MYEF2: variants seen among roughly 807,000 people sequenced by gnomAD.
MYEF2 encodes the protein myelin expression factor 2, also known as myelin gene expression factor 2.
MYEF2 carries 37 observed loss-of-function variants against 75.2 expected under a neutral mutation model. The ratio of observed to expected loss-of-function variants is 0.49; its 90% CI spans 0.38 to 0.65. The LOEUF (loss-of-function observed/expected upper bound fraction) is 0.65, where lower values mean the gene tolerates loss of function less well. Among genes scored for constraint, MYEF2 ranks in the 30% least tolerant of loss-of-function variants. The probability of loss-of-function intolerance (pLI) is 0.00; values close to 1 mark genes in which losing one functional copy is unlikely to be tolerated. For synonymous variants in MYEF2, 195 were observed against 241.6 expected (o/e 0.81, Z 1.79); for missense variants, 634 against 771.4 (o/e 0.82, Z 2.11).
intron 10 of MYEF2, 107 bp from the exon 11 acceptor site, chr15:48,152,391 AAAC>A: frequency 9.8e-6 from 9 of 920,006 alleles, no homozygotes; most frequent in Non-Finnish European, 1.5e-5. Flanking sequence ...AACCACAATG[AAAC>A]ACTAGAGAAG....
At position 48,149,313 on chromosome 15, in the gene MYEF2, C is replaced by T. The variant is rs2039405073; in HGVS notation, c.1437G>A (p.Arg479=). 6.2e-7 allele frequency: 1 copy of T among 1,613,000 alleles called. No homozygotes were observed. Residue 479 remains arginine, a synonymous_variant, in exon 15 of 17, where the codon CGG becomes CGA. Transcript: ENST00000324324. The surrounding 1 kb of genome is among the most constrained non-coding windows in gnomAD (Gnocchi z 4.0). ...CCATTCTATCAAAGCTGGAACTCATCCGGTCCAGTCCCATCCCCATTCCTC... is the reference window on the plus strand; with the variant it reads ...CCATTCTATCAAAGCTGGAACTCATTCGGTCCAGTCCCATCCCCATTCCTC... ...VTGGMGMGLD[R]MSSSFDRMGP... is the part of the protein sequence containing the mutation.
Position 48,178,272 on chromosome 15 carries a change from C to A in MYEF2, c.-35G>T, listed in dbSNP as rs1597374894. ...GCTGCCTCCGCCTCGGCCGCCTGAG[C>A]TGAGGGGCTCCGAGCGCGACAATGG... On this transcript the variant is annotated 5_prime_UTR_variant, in exon 1 of 17. Transcript: ENST00000324324. 4 of 1,367,804 alleles carry A rather than the reference C, an allele frequency of 2.9e-6. No homozygotes were observed. The highest frequency in any genetic ancestry group is 3.8e-6 in the Non-Finnish European group (4 of 1,064,396). 84.7% of individuals were successfully genotyped at this position (1,367,804 alleles called of 1,614,324 possible).
intron 5 of MYEF2, among the ~76,000 whole-genome samples, chr15:48,160,841 T>C (rs536280358): frequency 1.3e-5 from 2 of 150,172 alleles, no homozygotes; most frequent in African/African-American, 4.9e-5. Flanking sequence ...GCTTGCAACA[T>C]ATTTCTTCAC....
In MYEF2 at chr15:48,141,318, C is replaced by A. The variant is rs1307293264; in HGVS notation, c.*1590G>T. On this transcript the variant is annotated 3_prime_UTR_variant, in exon 17 of 17. Coordinates refer to ENST00000324324, the MANE Select transcript of MYEF2 (RefSeq NM_016132.5). The stretch of plus-strand genomic sequence containing the variant: ...TTCCAGCCGGGTGTGGTGGCTCGCG[C>A]CTGTAATCCCAGGATTTTGGGAGGC... 2 of 898,390 alleles carry A rather than the reference C, an allele frequency of 2.2e-6. No homozygotes were observed. The highest frequency in any genetic ancestry group is 3.4e-6 in the Non-Finnish European group (2 of 586,730). 55.7% of individuals were successfully genotyped at this position (898,390 alleles called of 1,614,324 possible).
At chr15:48,146,697 C>T (rs994464186) in intron 16 of MYEF2, among the ~76,000 whole-genome samples, 81 of 151,978 alleles carry the variant, frequency 5.3e-4, no homozygotes, top group Non-Finnish European at 8.5e-4. Context: ...AATATACTTA[C>T]TCTCTTTGGG....
intron 6 of MYEF2, 60 bp downstream of exon 6, chr15:48,159,553 C>G: frequency 7.0e-7 from 1 of 1,427,394 alleles, no homozygotes; most frequent in Non-Finnish European, 9.7e-7. Context: ...ATAACTCATT[C>G]ATTTAATCAA....
chr15:48,163,624 A>G (rs1468931315), intron 5 of MYEF2, among the ~76,000 whole-genome samples: 1 of 152,194 alleles, frequency 6.6e-6, no homozygotes, highest in Non-Finnish European at 1.5e-5. Context: ...GCCATCTAGG[A>G]CTTTCAGAGT....
Position 48,152,224 on chromosome 15 carries a change from T to G in MYEF2, c.1138+10A>C. The G allele has an allele frequency of 6.2e-7, 1 of 1,607,458 alleles. No individual in the cohort carries two copies. Among genetic ancestry groups the G allele is most frequent in the Non-Finnish European group, 8.5e-7 (1 of 1,175,598 alleles). On this transcript the variant is annotated intron_variant, in intron 11 of 16. Transcript: ENST00000324324. ...TGGGTACATACAAAAAAACAAATCTTTATACATACCTCCTCCAATTCTATT... is the reference window on the plus strand; with the variant it reads ...TGGGTACATACAAAAAAACAAATCTGTATACATACCTCCTCCAATTCTATT...
At chr15:48,166,162 A>G (rs369511251) in intron 3 of MYEF2, 34 bp from the exon 4 acceptor site, 1 of 1,535,754 alleles carries the variant, frequency 6.5e-7, no homozygotes, top group Non-Finnish European at 8.9e-7. Context: ...AATATGCAAA[A>G]GAAAAAAAGT....
In MYEF2 at chr15:48,142,453, G is replaced by A. The variant is rs1049097667; in HGVS notation, c.*455C>T. 4 of 936,556 alleles carry A rather than the reference G, an allele frequency of 4.3e-6. No homozygotes were observed. The highest frequency in any genetic ancestry group is 6.0e-6 in the Non-Finnish European group (4 of 667,238). 58.0% of individuals were successfully genotyped at this position (936,556 alleles called of 1,614,324 possible). On this transcript the variant is annotated 3_prime_UTR_variant, in exon 17 of 17. Coordinates refer to ENST00000324324, the MANE Select transcript of MYEF2 (RefSeq NM_016132.5). ...CAAATTTTAAAAATCTTGAACCTTA[G>A]AATCTAAAACTTACAGTAATTTAAA... is the stretch of plus-strand genomic sequence containing the variant.
At chr15:48,151,422 C>A in intron 13 of MYEF2, 51 bp downstream of exon 13, 1 of 1,531,036 alleles carries the variant, frequency 6.5e-7, no homozygotes, top group East Asian at 2.2e-5. Flanking sequence ...AACCAAATTT[C>A]AAAAATTATA....
In MYEF2 at chr15:48,135,038, T is replaced by C; in HGVS notation, c.*7870A>G. The C allele has an allele frequency of 7.1e-7, 1 of 1,400,616 alleles. No individual in the cohort carries two copies. The highest frequency in any genetic ancestry group is 1.0e-6 in the Non-Finnish European group (1 of 994,662). The allele number at this position is 1,400,616 out of a possible 1,614,324, so 86.8% of individuals were successfully genotyped here. On this transcript the variant is annotated 3_prime_UTR_variant, in exon 17 of 17. Transcript: ENST00000324324. ...AATTAGAGATTTTATGAATTTCTGA[T>C]GGTTCAGTAATTTTTTTTCAGAAAT...
rs752758583 is a variant in MYEF2, at chr15:48,168,648, T to C, written c.353A>G (p.Asp118Gly). The C allele has an allele frequency of 2.5e-6, 4 of 1,613,274 alleles. No homozygotes were observed. Among genetic ancestry groups the C allele is most frequent in the Non-Finnish European group, 1.7e-6 (2 of 1,179,362 alleles). Residue 118 changes from aspartate to glycine, a missense_variant, in exon 2 of 17, where the codon GAT (aspartate) becomes GGT (glycine). By Grantham distance (94) the Asp-to-Gly change is moderately conservative. Transcript: ENST00000324324. ...ATAGTTACCTTTCTCTCTCATTAGA[T>C]CTTTAATAGCTTGCCATTTCATGTC... ...PYDMKWQAIK[D>G]LMREKVGEVT...
chr15:48,161,157 C>A (rs1404222105), intron 5 of MYEF2, among the ~76,000 whole-genome samples: 2 of 151,942 alleles, frequency 1.3e-5, no homozygotes, highest in Non-Finnish European at 2.9e-5. Flanking sequence ...TACATGCATA[C>A]ATACATAAAA....
intron 6 of MYEF2, 35 bp from the exon 7 acceptor site, chr15:48,158,957 T>G (rs1042331111): frequency 4.5e-6 from 7 of 1,571,952 alleles, no homozygotes; most frequent in Non-Finnish European, 5.2e-6. Context: ...ACATACCTAA[T>G]AAATCCATCT....
chr15:48,162,303 G>T (rs1367363268), intron 5 of MYEF2, among the ~76,000 whole-genome samples: 1 of 152,032 alleles, frequency 6.6e-6, no homozygotes, highest in African/African-American at 2.4e-5. Flanking sequence ...TTAGTGCTTT[G>T]TACACTGGTA....
rs2039531894 is a variant in MYEF2 at position 48,152,552 on chromosome 15, G to A, written c.1088-268C>T. On this transcript the variant is annotated intron_variant, in intron 10 of 16. Transcript: ENST00000324324. ...ACAACATTCAGTTAGAGAATATCTTGAACTAGGTAATCATTCACTTTTTTT... is the reference window on the plus strand; with the variant it reads ...ACAACATTCAGTTAGAGAATATCTTAAACTAGGTAATCATTCACTTTTTTT... 11 of 373,040 alleles carry A rather than the reference G, an allele frequency of 2.9e-5. No homozygotes were observed. In the South Asian group the frequency reaches 8.2e-4, roughly 28 times the overall value. The allele number at this position is 373,040 out of a possible 1,614,324, so 23.1% of individuals were successfully genotyped here.
intron 7 of MYEF2, 76 bp downstream of exon 7, chr15:48,158,693 T>C: frequency 6.4e-7 from 1 of 1,556,290 alleles, no homozygotes; most frequent in Admixed American, 1.7e-5. Context: ...TTAAATTCAA[T>C]TACCCCCCGC....
chr15:48,154,165 TAATAA>T (rs930544833), intron 9 of MYEF2: 13 of 230,976 alleles, frequency 5.6e-5, no homozygotes, highest in African/African-American at 2.9e-4. Context: ...CTGAGAGGAA[TAATAA>T]AATACCTAGA....
Sources: gnomAD v4.1 joint callset for allele counts (sites outside exome capture counted in the v4.1 genomes callset) on GRCh38, gnomAD v4.1.1 for gene constraint, Gnocchi (gnomAD v3.1) non-coding constraint, MANE v1.5 for transcripts, NCBI Gene and HGNC (gene_info 2026-07-23, HGNC 2026-07-21) for gene names.